The following EXOC6B variants were observed in gnomAD, a reference collection of about 807,000 sequenced individuals.
The protein encoded by EXOC6B is SEC15 homolog B.
A neutral mutation model predicts 113.5 loss-of-function variants in EXOC6B; 54 were observed. The ratio of observed to expected loss-of-function variants is 0.48; its 90% CI spans 0.38 to 0.60. The LOEUF (loss-of-function observed/expected upper bound fraction) is 0.60. Ranked by LOEUF, EXOC6B falls within the 20% of genes least tolerant of loss-of-function variation. EXOC6B has a pLI of 0.00. For synonymous variants in EXOC6B, 357 were observed against 339.0 expected (o/e 1.05, Z -0.58); for missense variants, 797 against 977.5 (o/e 0.82, Z 2.46).
chr2:72,248,567 T>C (rs1682811294), intron 20 of EXOC6B, among the ~76,000 whole-genome samples: 1 of 152,212 alleles, frequency 6.6e-6, no homozygotes, highest in African/African-American at 2.4e-5. Context: ...TGACCATTTA[T>C]TTGGGAACAT....
intron 20 of EXOC6B, among the ~76,000 whole-genome samples, chr2:72,295,598 T>C (rs565789326): frequency 1.2e-3 from 187 of 152,264 alleles, no homozygotes; most frequent in African/African-American, 3.8e-3. Flanking sequence ...TGAGCTGTTG[T>C]CTATGGTCAA....
chr2:72,506,155 T>A (rs1206322185), intron 11 of EXOC6B, among the ~76,000 whole-genome samples: 2 of 151,938 alleles, frequency 1.3e-5, no homozygotes, highest in South Asian at 4.2e-4. Context: ...ATAAAAGGAG[T>A]TGCTACAGAA....
At chr2:72,515,011 A>G (rs1443725164) in intron 9 of EXOC6B, 32 bp downstream of exon 9, 3 of 1,561,340 alleles carry the variant, frequency 1.9e-6, no homozygotes, top group South Asian at 2.3e-5. Flanking sequence ...GGAAAAGTAA[A>G]AATGTGAGAA....
chr2:72,335,188 G>A (rs1688623778), intron 19 of EXOC6B, 168 bp from the exon 20 acceptor site: 2 of 611,710 alleles, frequency 3.3e-6, no homozygotes, highest in African/African-American at 3.7e-5. Flanking sequence ...CAAAATTCGT[G>A]TCATCAAAAC....
intron 1 of EXOC6B, among the ~76,000 whole-genome samples, chr2:72,760,848 A>G (rs148384815): frequency 6.6e-6 from 1 of 152,324 alleles, no homozygotes; most frequent in African/African-American, 2.4e-5. Context: ...AAAAATTACA[A>G]TGGGTAACTG....
chr2:72,618,330 T>C (rs1283873554), intron 6 of EXOC6B, among the ~76,000 whole-genome samples: 2 of 151,796 alleles, frequency 1.3e-5, no homozygotes, highest in Non-Finnish European at 2.9e-5. Flanking sequence ...AATCGCACCA[T>C]TGCACTCCAG....
At chr2:72,633,867 T>C (rs952674671) in intron 6 of EXOC6B, among the ~76,000 whole-genome samples, 8 of 152,258 alleles carry the variant, frequency 5.3e-5, no homozygotes, top group South Asian at 4.1e-4. Flanking sequence ...GCATAAGATA[T>C]TGCAATATGT....
In EXOC6B at chr2:72,295,468, A is replaced by C. The variant is rs963070066; in HGVS notation, c.2196+39479T>G. On this transcript the variant is annotated intron_variant, in intron 20 of 21. Transcript: ENST00000272427. Reference sequence around the variant, plus strand: ...AGGGAGTGGTAAACTTTTCCTGTAAAGGGCCAGAGAGTGACTGTTTTAGGC... The same window carrying C: ...AGGGAGTGGTAAACTTTTCCTGTAACGGGCCAGAGAGTGACTGTTTTAGGC... Among the ~76,000 whole-genome samples the C allele has an allele frequency of 2.9e-4, 44 of 152,142 alleles. 2 individuals are homozygous for C.
intron 6 of EXOC6B, among the ~76,000 whole-genome samples, chr2:72,667,395 C>G (rs1157719456): frequency 1.3e-5 from 2 of 151,868 alleles, no homozygotes; most frequent in Non-Finnish European, 2.9e-5. Context: ...CATATGGAAC[C>G]AAAAAAGAGC....
chr2:72,411,122 G>A (rs920930201), intron 18 of EXOC6B, among the ~76,000 whole-genome samples: 9 of 152,052 alleles, frequency 5.9e-5, no homozygotes, highest in Non-Finnish European at 1.2e-4. Context: ...GGTGTGGGAG[G>A]GTCTCTTGAG....
chr2:72,607,177 G>A (rs1670806029), intron 6 of EXOC6B, among the ~76,000 whole-genome samples: 1 of 152,112 alleles, frequency 6.6e-6, no homozygotes, highest in African/African-American at 2.4e-5. Context: ...GGTTAGATTT[G>A]AACTAACTCC....
intron 20 of EXOC6B, among the ~76,000 whole-genome samples, chr2:72,303,325 T>C (rs1392305969): frequency 1.3e-5 from 2 of 152,182 alleles, no homozygotes; most frequent in Non-Finnish European, 2.9e-5. Flanking sequence ...TATCCTAAAA[T>C]GTATTTTCCA....
chr2:72,608,100 A>G (rs562585058), intron 6 of EXOC6B, among the ~76,000 whole-genome samples: 2 of 152,294 alleles, frequency 1.3e-5, no homozygotes, highest in African/African-American at 4.8e-5. Context: ...GCTAATAAAT[A>G]AAAACAGAAC....
At chr2:72,270,879 T>A (rs1188967193) in intron 20 of EXOC6B, among the ~76,000 whole-genome samples, 1 of 152,154 alleles carries the variant, frequency 6.6e-6, no homozygotes, top group East Asian at 1.9e-4. Flanking sequence ...GGGAAATAGG[T>A]GGCAGAAAAT....
chr2:72,176,441 G>A lies in EXOC6B; in HGVS notation c.*2894C>T, dbSNP rs112145804. 3,687 of 152,362 alleles carry A rather than the reference G, an allele frequency of 0.024. 126 individuals are homozygous for A. The highest frequency in any genetic ancestry group is 0.083 in the African/African-American group (3,457 of 41,528). The allele number at this position is 152,362 out of a possible 1,614,324, so 9.4% of individuals were successfully genotyped here. A position where few individuals can be genotyped will look rare whatever the true frequency, so the allele number is the denominator to read the frequency against. On this transcript the variant is annotated 3_prime_UTR_variant, in exon 22 of 22. Coordinates refer to ENST00000272427, the MANE Select transcript of EXOC6B (RefSeq NM_015189.3). ...AGCCAGTCTTGGGAGATAAAAGGCC[G>A]TGGGTCTGGGACTTGCTGAGTAAGC...
intron 20 of EXOC6B, among the ~76,000 whole-genome samples, chr2:72,247,228 A>G (rs1682723885): frequency 6.6e-6 from 1 of 152,202 alleles, no homozygotes; most frequent in African/African-American, 2.4e-5. Context: ...GATCTATTTT[A>G]TTCCCATCGC....
intron 6 of EXOC6B, among the ~76,000 whole-genome samples, chr2:72,605,623 AG>A (rs1670708064): frequency 1.3e-5 from 2 of 152,192 alleles, no homozygotes; most frequent in African/African-American, 4.8e-5. Flanking sequence ...TTTGTTTGGT[AG>A]GAAGAATCAC....
chr2:72,618,623 G>A lies in EXOC6B; in HGVS notation c.670-42955C>T, dbSNP rs184530539. Among the ~76,000 whole-genome samples, 376 of 152,140 alleles carry A rather than the reference G, an allele frequency of 2.5e-3. 5 individuals are homozygous for A. The highest frequency in any genetic ancestry group is 1.2e-3 in the African/African-American group (50 of 41,524). On this transcript the variant is annotated intron_variant, in intron 6 of 21. Coordinates refer to ENST00000272427, the MANE Select transcript of EXOC6B (RefSeq NM_015189.3). ...ATGTATTTGTCTTTCACAGCAATTCGTTAGTGCCTATTAAAGCATTCCTTA... is the reference window on the plus strand; with the variant it reads ...ATGTATTTGTCTTTCACAGCAATTCATTAGTGCCTATTAAAGCATTCCTTA...
intron 20 of EXOC6B, among the ~76,000 whole-genome samples, chr2:72,319,189 T>C (rs1185263459): frequency 2.6e-5 from 4 of 151,986 alleles, no homozygotes; most frequent in Non-Finnish European, 5.9e-5. Context: ...AATGATGGTC[T>C]GTAAAACTGA....
Sources: gnomAD v4.1 joint callset for allele counts (sites outside exome capture counted in the v4.1 genomes callset) on GRCh38, gnomAD v4.1.1 for gene constraint, MANE v1.5 for transcripts, NCBI Gene and HGNC (gene_info 2026-07-23, HGNC 2026-07-21) for gene names.